SNX29: variants seen among roughly 807,000 people sequenced by gnomAD.
SNX29 encodes sorting nexin 29.
In SNX29, 78 loss-of-function variants were observed where a neutral mutation model predicts 102.1. That is an observed-to-expected ratio of 0.76 (90% CI 0.64 to 0.92). The LOEUF is 0.92. SNX29 is among the 40% of genes least tolerant of loss of function. The pLI is 0.00. For missense variants in SNX29, 1,280 were observed against 1,061.7 expected (o/e 1.21, Z -2.86); for synonymous variants, 580 against 414.5 (o/e 1.40, Z -4.85).
Position 12,571,567 on chromosome 16 carries a change from T to C in SNX29, c.*2938T>C, listed in dbSNP as rs2079188417. 5 of 1,026,436 alleles carry C rather than the reference T, an allele frequency of 4.9e-6. No individual in the cohort carries two copies. The highest frequency in any genetic ancestry group is 5.9e-6 in the Non-Finnish European group (5 of 844,574). The allele number at this position is 1,026,436 out of a possible 1,614,324, so 63.6% of individuals were successfully genotyped here. On this transcript the variant is annotated 3_prime_UTR_variant, in exon 21 of 21. Coordinates refer to ENST00000566228, the MANE Select transcript of SNX29 (RefSeq NM_032167.5). ...GGAGGAAGAATCCACACCGAATCCT[T>C]CTGTCTTCATGGCCTGCTGTGCTGA...
chr16:12,561,066 C>G (rs1437855604), intron 20 of SNX29: 2 of 224,596 alleles, frequency 8.9e-6, no homozygotes, highest in African/African-American at 4.5e-5. Context: ...AGGTAAAGGC[C>G]TTGATGGATG....
chr16:12,095,376 T>C (rs1367312460), intron 11 of SNX29: 1 of 152,198 alleles, frequency 6.6e-6, no homozygotes, highest in African/African-American at 2.4e-5. Context: ...GGGGGCGCCC[T>C]AGTCTTTTCT....
chr16:12,560,911 T>TA (rs2078690909), intron 20 of SNX29: 1 of 197,422 alleles, frequency 5.1e-6, no homozygotes, highest in South Asian at 1.9e-4. Flanking sequence ...TTAATCCTTT[T>TA]AAAATAAAGT....
chr16:12,565,921 A>C (rs62028660), intron 20 of SNX29, among the ~76,000 whole-genome samples: 35,993 of 152,112 alleles, frequency 0.24, 5,294 homozygotes, highest in Non-Finnish European at 0.33. Flanking sequence ...GATCCACCAC[A>C]GCCATCTGTC....
At chr16:12,539,712 C>G (rs1286235429) in intron 20 of SNX29, among the ~76,000 whole-genome samples, 5 of 152,320 alleles carry the variant, frequency 3.3e-5, no homozygotes, top group South Asian at 4.1e-4. Context: ...TGTCATGATT[C>G]TTTACTGTGG....
At chr16:12,137,044 A>G (rs2054689070) in intron 13 of SNX29, among the ~76,000 whole-genome samples, 1 of 152,146 alleles carries the variant, frequency 6.6e-6, no homozygotes, top group Non-Finnish European at 1.5e-5. Context: ...CCAGCCTAGG[A>G]AAGACTTTTT....
At chr16:12,008,114 G>A (rs949361915) in intron 3 of SNX29, among the ~76,000 whole-genome samples, 1 of 151,784 alleles carries the variant, frequency 6.6e-6, no homozygotes, top group Non-Finnish European at 1.5e-5. Flanking sequence ...CAGCTAATTT[G>A]TTTGTATTTT....
At chr16:12,042,599 T>C (rs943857880) in intron 4 of SNX29, among the ~76,000 whole-genome samples, 1 of 152,196 alleles carries the variant, frequency 6.6e-6, no homozygotes, top group African/African-American at 2.4e-5. Context: ...TCTATTTCTG[T>C]GTAATTCGCT....
At chr16:12,508,330 C>T (rs552186715) in intron 19 of SNX29, among the ~76,000 whole-genome samples, 40 of 152,326 alleles carry the variant, frequency 2.6e-4, no homozygotes, top group African/African-American at 9.4e-4. Context: ...GCTTGGCCTT[C>T]AGAAGCATGG....
rs1190224293 is a variant in SNX29, at chr16:12,570,188, C to T, written c.*1559C>T. 3 of 1,065,346 alleles carry T rather than the reference C, an allele frequency of 2.8e-6. No individual in the cohort carries two copies. Among genetic ancestry groups the T allele is most frequent in the East Asian group, 1.0e-4 (2 of 20,096 alleles). The allele number at this position is 1,065,346 out of a possible 1,614,324, so 66.0% of individuals were successfully genotyped here. On this transcript the variant is annotated 3_prime_UTR_variant, in exon 21 of 21. Coordinates refer to ENST00000566228, the MANE Select transcript of SNX29 (RefSeq NM_032167.5). ...CCCACCCCAGAGAAACCGAGTCAGCCTACATGACTTCCAAGGGGACCTGGG... is the reference window on the plus strand; with the variant it reads ...CCCACCCCAGAGAAACCGAGTCAGCTTACATGACTTCCAAGGGGACCTGGG...
chr16:12,281,934 A>AT (rs1295722687), intron 15 of SNX29, among the ~76,000 whole-genome samples: 1 of 151,952 alleles, frequency 6.6e-6, no homozygotes, highest in Non-Finnish European at 1.5e-5. Flanking sequence ...ATTCTCAAAA[A>AT]TTAGCCGGTC....
At chr16:12,345,745 G>A (rs113840906) in intron 15 of SNX29, among the ~76,000 whole-genome samples, 63 of 152,240 alleles carry the variant, frequency 4.1e-4, no homozygotes, top group African/African-American at 1.3e-3. Flanking sequence ...GGAAGGTGGG[G>A]GTGCAGCCGT....
intron 18 of SNX29, among the ~76,000 whole-genome samples, chr16:12,447,400 C>G (rs979471963): frequency 2.6e-5 from 4 of 152,094 alleles, no homozygotes; most frequent in African/African-American, 9.7e-5. Flanking sequence ...AAAAACTATC[C>G]TGGTGTCCAG....
chr16:12,348,004 A>C, intron 15 of SNX29, among the ~76,000 whole-genome samples: 1 of 151,920 alleles, frequency 6.6e-6, no homozygotes. Context: ...GCTTGAACCC[A>C]GGAGGTCGAG....
chr16:12,335,715 C>T (rs993844992), intron 15 of SNX29, among the ~76,000 whole-genome samples: 1 of 151,920 alleles, frequency 6.6e-6, no homozygotes, highest in Non-Finnish European at 1.5e-5. Context: ...ATGATGAGAG[C>T]AGCCAATGCT....
At chr16:12,272,038 C>G (rs1596707999) in intron 14 of SNX29, among the ~76,000 whole-genome samples, 1 of 152,158 alleles carries the variant, frequency 6.6e-6, no homozygotes, top group African/African-American at 2.4e-5. Context: ...AAAACTGAAC[C>G]AGGGCAGCAA....
At position 12,552,399 on chromosome 16, in the gene SNX29, G is replaced by A. The variant is rs183418389; in HGVS notation, c.2319-16107G>A. Among the ~76,000 whole-genome samples the A allele has an allele frequency of 5.3e-5, 8 of 152,356 alleles. No individual in the cohort carries two copies. The East Asian group carries it at 1.5e-3, about 29-fold the overall frequency. On this transcript the variant is annotated intron_variant, in intron 20 of 20. Coordinates refer to ENST00000566228, the MANE Select transcript of SNX29 (RefSeq NM_032167.5). ...CAGCAAGCATGGTACCTGGCGCAGA[G>A]CAGTGGTGAGGACGTGGTCAGTTCT... is the stretch of plus-strand genomic sequence containing the variant.
At chr16:12,485,175 G>A (rs1324483593) in intron 19 of SNX29, among the ~76,000 whole-genome samples, 2 of 152,206 alleles carry the variant, frequency 1.3e-5, no homozygotes, top group Non-Finnish European at 2.9e-5. Context: ...TTTGCAGAGT[G>A]GGCATGAGGC....
intron 14 of SNX29, among the ~76,000 whole-genome samples, chr16:12,222,151 G>A (rs758106866): frequency 3.3e-5 from 5 of 152,246 alleles, no homozygotes; most frequent in Admixed American, 6.5e-5. Context: ...TTCTGCAGAT[G>A]CAGAAACACA....
Sources: allele counts gnomAD v4.1 joint callset (sites outside exome capture counted in the v4.1 genomes callset), GRCh38; gene constraint gnomAD v4.1.1; transcripts MANE v1.5; gene names NCBI Gene and HGNC (gene_info 2026-07-23, HGNC 2026-07-21).